The following PIP4K2A variants were observed in gnomAD, a reference collection of about 807,000 sequenced individuals.
PIP4K2A encodes the protein phosphatidylinositol 5-phosphate 4-kinase type-2 alpha.
A neutral mutation model predicts 42.9 loss-of-function variants in PIP4K2A; 14 were observed. The ratio of observed to expected loss-of-function variants is 0.33; its 90% CI spans 0.22 to 0.51. PIP4K2A has a LOEUF of 0.51. Ranked by LOEUF, PIP4K2A falls within the 20% of genes least tolerant of loss-of-function variation. PIP4K2A has a pLI of 0.97. For missense variants in PIP4K2A, 434 were observed against 519.8 expected (o/e 0.83, Z 1.61); for synonymous variants, 192 against 192.2 (o/e 1.00, Z 0.01).
intron 3 of PIP4K2A, among the ~76,000 whole-genome samples, chr10:22,593,647 T>C (rs1232067526): frequency 6.6e-6 from 1 of 152,248 alleles, no homozygotes; most frequent in Admixed American, 6.5e-5. Flanking sequence ...TGCTCTTTGT[T>C]AGTGGTCTTA....
At chr10:22,651,575 C>T (rs116187260) in intron 1 of PIP4K2A, among the ~76,000 whole-genome samples, 3 of 152,220 alleles carry the variant, frequency 2.0e-5, no homozygotes, top group Non-Finnish European at 2.9e-5. Context: ...ACTTCCTAGG[C>T]GTCCACACCA....
At chr10:22,678,296 G>C (rs1014111767) in intron 1 of PIP4K2A, among the ~76,000 whole-genome samples, 1 of 151,786 alleles carries the variant, frequency 6.6e-6, no homozygotes, top group Non-Finnish European at 1.5e-5. Context: ...CAGCAGATAC[G>C]GCACCACACA....
At chr10:22,565,456 A>G (rs893478461) in intron 6 of PIP4K2A, among the ~76,000 whole-genome samples, 1 of 152,196 alleles carries the variant, frequency 6.6e-6, no homozygotes, top group African/African-American at 2.4e-5. Flanking sequence ...TAAAGATTTC[A>G]TGGACACTTA....
At chr10:22,555,332 A>G (rs866049509) in intron 6 of PIP4K2A, among the ~76,000 whole-genome samples, 21 of 152,304 alleles carry the variant, frequency 1.4e-4, no homozygotes, top group African/African-American at 4.6e-4. Context: ...GGGATTTGCA[A>G]ACATAGGGTT....
At chr10:22,637,820 C>A (rs529902509) in intron 1 of PIP4K2A, among the ~76,000 whole-genome samples, 3 of 152,296 alleles carry the variant, frequency 2.0e-5, no homozygotes, top group Non-Finnish European at 4.4e-5. Flanking sequence ...TCTTGATGCC[C>A]ATCAAGCTGG....
chr10:22,550,455 A>T (rs895918902), intron 7 of PIP4K2A, among the ~76,000 whole-genome samples: 41 of 152,140 alleles, frequency 2.7e-4, no homozygotes, highest in African/African-American at 8.0e-4. Context: ...TTGGTGCCTA[A>T]ATGAGAGGGC....
intron 1 of PIP4K2A, among the ~76,000 whole-genome samples, chr10:22,703,789 T>C (rs761916504): frequency 6.6e-6 from 1 of 152,152 alleles, no homozygotes; most frequent in Non-Finnish European, 1.5e-5. Context: ...TACCACAGTG[T>C]TCCTGAGAAA....
intron 3 of PIP4K2A, among the ~76,000 whole-genome samples, chr10:22,595,116 T>C (rs1837603971): frequency 1.3e-5 from 2 of 152,336 alleles, no homozygotes; most frequent in African/African-American, 4.8e-5. Context: ...AAAGAGTTCA[T>C]GCAATTCTAT....
intron 3 of PIP4K2A, among the ~76,000 whole-genome samples, chr10:22,598,159 A>C (rs1398869389): frequency 1.3e-5 from 2 of 152,162 alleles, no homozygotes; most frequent in African/African-American, 4.8e-5. Context: ...GGAGTTTGGG[A>C]CCAGCCTGGG....
At chr10:22,558,000 A>C (rs1173001062) in intron 6 of PIP4K2A, among the ~76,000 whole-genome samples, 5 of 152,214 alleles carry the variant, frequency 3.3e-5, no homozygotes, top group African/African-American at 1.2e-4. Flanking sequence ...CTCTGTGATT[A>C]AAGGACTTGT....
intron 3 of PIP4K2A, among the ~76,000 whole-genome samples, chr10:22,595,366 T>C (rs1837610344): frequency 6.6e-6 from 1 of 152,232 alleles, no homozygotes; most frequent in African/African-American, 2.4e-5. Context: ...TCTGTCATCA[T>C]AATCATAGAC....
chr10:22,591,601 G>A, intron 4 of PIP4K2A, 28 bp downstream of exon 4: 1 of 1,571,560 alleles, frequency 6.4e-7, no homozygotes, highest in Non-Finnish European at 8.7e-7. Flanking sequence ...TCTTCTTGGA[G>A]TTTCAAATAA....
At chr10:22,589,117 T>C (rs1354346529) in intron 4 of PIP4K2A, among the ~76,000 whole-genome samples, 1 of 152,244 alleles carries the variant, frequency 6.6e-6, no homozygotes, top group East Asian at 1.9e-4. Flanking sequence ...GTACTTCAAT[T>C]CTGTGTCACA....
chr10:22,651,886 A>G (rs2130813519), intron 1 of PIP4K2A, among the ~76,000 whole-genome samples: 1 of 152,220 alleles, frequency 6.6e-6, no homozygotes, highest in East Asian at 1.9e-4. Context: ...CCTTGCTACT[A>G]GTGATCTGGA....
rs1836387338 is a variant in PIP4K2A, at chr10:22,550,644, A to G, written c.792+15T>C. On this transcript the variant is annotated intron_variant, in intron 7 of 9. Transcript: ENST00000376573. Reference sequence around the variant, plus strand: ...TTTATACAATGAGTCTGGCCTCTCCACTGACTGTTCTTACCTCAACATCCT... The same window carrying G: ...TTTATACAATGAGTCTGGCCTCTCCGCTGACTGTTCTTACCTCAACATCCT... The G allele has an allele frequency of 1.5e-6, 2 of 1,313,276 alleles. No individual in the cohort carries two copies. Among genetic ancestry groups the G allele is most frequent in the South Asian group, 1.2e-5 (1 of 85,442 alleles). The allele number at this position is 1,313,276 out of a possible 1,614,324, so 81.4% of individuals were successfully genotyped here.
chr10:22,553,798 T>A (rs1469529035), intron 6 of PIP4K2A, among the ~76,000 whole-genome samples: 1 of 150,914 alleles, frequency 6.6e-6, no homozygotes, highest in Non-Finnish European at 1.5e-5. Flanking sequence ...ACTTTTTTTT[T>A]TTTTTTTTTT....
At chr10:22,672,232 T>G (rs914268698) in intron 1 of PIP4K2A, among the ~76,000 whole-genome samples, 1 of 150,114 alleles carries the variant, frequency 6.7e-6, no homozygotes, top group African/African-American at 2.5e-5. Context: ...ATCAGCATCC[T>G]GAAAACAAGG....
At chr10:22,553,789 C>CTTTT (rs3074629) in intron 6 of PIP4K2A, among the ~76,000 whole-genome samples, 3 of 118,518 alleles carry the variant, frequency 2.5e-5, no homozygotes, top group South Asian at 2.9e-4. Flanking sequence ...GGTTGAAAAA[C>CTTTT]TTTTTTTTTT....
chr10:22,624,596 G>C (rs573398999), intron 1 of PIP4K2A, among the ~76,000 whole-genome samples: 1 of 152,314 alleles, frequency 6.6e-6, no homozygotes, highest in South Asian at 2.1e-4. Flanking sequence ...GATGAGTCAT[G>C]CACTTTTCCC....
Sources: gnomAD v4.1 joint callset for allele counts (sites outside exome capture counted in the v4.1 genomes callset) on GRCh38, gnomAD v4.1.1 for gene constraint, MANE v1.5 for transcripts, NCBI Gene and HGNC (gene_info 2026-07-23, HGNC 2026-07-21) for gene names.